Variants in RANBP2 observed in about 807,000 individuals in gnomAD.
RANBP2 encodes RAN binding protein 2.
Under a neutral mutation model 303.6 loss-of-function variants are expected in RANBP2, and 57 were observed. The observed-to-expected ratio is 0.19, with a 90% CI of 0.15 to 0.23. The LOEUF is 0.23. RANBP2 is among the 10% of genes least tolerant of loss of function. The probability of loss-of-function intolerance (pLI) is 1.00; values close to 1 mark genes in which losing one functional copy is unlikely to be tolerated. For synonymous variants in RANBP2, 1,167 were observed against 1,301.5 expected (o/e 0.90, Z 2.23); for missense variants, 3,138 against 3,780.8 (o/e 0.83, Z 4.46).
At chr2:109,229,360 G>C in the RANBP2 span, among the ~76,000 whole-genome samples, 1 of 152,152 alleles carries the variant, frequency 6.6e-6, no homozygotes, top group Admixed American at 6.6e-5. Flanking sequence ...TAACATGATA[G>C]TTCTCCATTT....
chr2:109,575,728 T>G, the RANBP2 span, among the ~76,000 whole-genome samples: 1 of 152,320 alleles, frequency 6.6e-6, no homozygotes, highest in Non-Finnish European at 1.5e-5. Flanking sequence ...CCATGTCAAA[T>G]TCCCTGGAAA....
the RANBP2 span, among the ~76,000 whole-genome samples, chr2:109,320,718 G>A: frequency 6.6e-6 from 1 of 152,236 alleles, no homozygotes; most frequent in Non-Finnish European, 1.5e-5. Context: ...CAGCCCCGCA[G>A]ATGAACAGAC....
chr2:109,602,573 G>A, the RANBP2 span, among the ~76,000 whole-genome samples: 1 of 151,858 alleles, frequency 6.6e-6, no homozygotes, highest in Non-Finnish European at 1.5e-5. Flanking sequence ...TACTCGGGAG[G>A]GTGAGGCAGG....
At chr2:109,041,682 C>G in the RANBP2 span, among the ~76,000 whole-genome samples, 1 of 142,762 alleles carries the variant, frequency 7.0e-6, no homozygotes, top group African/African-American at 2.7e-5. Flanking sequence ...CCACCATGCC[C>G]GGCTTTTTTT....
the RANBP2 span, among the ~76,000 whole-genome samples, chr2:108,839,981 G>C: frequency 4.8e-4 from 73 of 152,064 alleles, 2 homozygotes; most frequent in South Asian, 7.5e-3. Context: ...CCATTACTAA[G>C]TATAATATTA....
Position 108,764,320 on chromosome 2 carries a change from G to C in RANBP2, c.3781G>C (p.Asp1261His). The C allele has an allele frequency of 6.2e-7, 1 of 1,613,734 alleles. No homozygotes were observed. ...GAAATTGACACCAAATGCTGGATCA[G>C]ACAGATCTTTTGTATGGCATGCCCT... The part of the protein sequence containing the change: ...DMKLTPNAGS[D>H]RSFVWHALDY... The change falls in exon 20 of 29, where the codon GAC becomes CAC. Residue 1261 changes from aspartate to histidine, a missense_variant. Around this residue, in one of 20 missense-constraint regions of RANBP2, gnomAD observed 72 missense variants for 119.5 expected, o/e 0.60. Transcript: ENST00000283195.
At chr2:109,122,999 G>A in the RANBP2 span, among the ~76,000 whole-genome samples, 2 of 152,226 alleles carry the variant, frequency 1.3e-5, no homozygotes, top group East Asian at 3.9e-4. Flanking sequence ...CTTGCACAGT[G>A]ACGGTGAACT....
chr2:109,129,756 A>G, the RANBP2 span: 17 of 1,539,912 alleles, frequency 1.1e-5, no homozygotes, highest in Non-Finnish European at 1.5e-5. Flanking sequence ...AGGTGCTGCC[A>G]TGCCAACACA....
At chr2:109,707,933 G>A in the RANBP2 span, among the ~76,000 whole-genome samples, 1 of 152,256 alleles carries the variant, frequency 6.6e-6, no homozygotes, top group Non-Finnish European at 1.5e-5. Flanking sequence ...CCTGTGGAAA[G>A]TGGCATAGAG....
the RANBP2 span, among the ~76,000 whole-genome samples, chr2:109,066,592 A>G: frequency 1.3e-5 from 2 of 152,166 alleles, no homozygotes. Context: ...CGCTGCCCAC[A>G]GGTCAATTCC....
chr2:109,078,266 GCGTATATATATA>G, the RANBP2 span, among the ~76,000 whole-genome samples: 2,862 of 54,862 alleles, frequency 0.052, 372 homozygotes, highest in African/African-American at 0.18. Context: ...TATATATAGC[GCGTATATATATA>G]TATATATATA....
At chr2:109,082,825 CTTT>C in the RANBP2 span, among the ~76,000 whole-genome samples, 2 of 123,790 alleles carry the variant, frequency 1.6e-5, no homozygotes, top group Non-Finnish European at 3.4e-5. Context: ...GACCCCATGT[CTTT>C]TTTTTTTTTT....
the RANBP2 span, among the ~76,000 whole-genome samples, chr2:109,082,825 C>CTTTTTTT: frequency 3.2e-5 from 4 of 123,794 alleles, 1 homozygote; most frequent in Non-Finnish European, 5.0e-5. Context: ...GACCCCATGT[C>CTTTTTTT]TTTTTTTTTT....
At chr2:108,759,490 C>CT (rs757251914) in intron 18 of RANBP2, among the ~76,000 whole-genome samples, 87 of 151,030 alleles carry the variant, frequency 5.8e-4, no homozygotes, top group Non-Finnish European at 8.7e-4. Flanking sequence ...TAGTAGTGCC[C>CT]TTTTTTTTTC....
the RANBP2 span, among the ~76,000 whole-genome samples, chr2:109,488,129 C>T: frequency 6.6e-6 from 1 of 152,194 alleles, no homozygotes; most frequent in East Asian, 1.9e-4. Flanking sequence ...CGCCGGGACA[C>T]CTGGGGCAGG....
downstream of RANBP2, chr2:108,788,057 C>T: frequency 6.3e-7 from 1 of 1,590,542 alleles, no homozygotes; most frequent in South Asian, 1.1e-5. Flanking sequence ...TTTTATCAGT[C>T]TAAGTATAAG....
At chr2:109,424,892 A>G in the RANBP2 span, among the ~76,000 whole-genome samples, 178 of 152,334 alleles carry the variant, frequency 1.2e-3, no homozygotes, top group African/African-American at 4.2e-3. Flanking sequence ...CTCTCACTTT[A>G]AGTCAAAAGT....
the RANBP2 span, among the ~76,000 whole-genome samples, chr2:109,028,130 G>A: frequency 1.3e-5 from 2 of 152,048 alleles, no homozygotes; most frequent in African/African-American, 2.4e-5. Context: ...AATTACCTGG[G>A]CCAGGTGACA....
At chr2:108,843,814 T>G in the RANBP2 span, among the ~76,000 whole-genome samples, 1 of 150,184 alleles carries the variant, frequency 6.7e-6, no homozygotes, top group Non-Finnish European at 1.5e-5. Context: ...TCCAGGAAGT[T>G]TTCAGTCATT....
Sources: allele counts gnomAD v4.1 joint callset (sites outside exome capture counted in the v4.1 genomes callset), GRCh38; gene constraint gnomAD v4.1.1; regional missense constraint gnomAD v4.1.1; transcripts MANE v1.5; gene names NCBI Gene and HGNC (gene_info 2026-07-23, HGNC 2026-07-21).